TDP1: variants seen among roughly 807,000 people sequenced by gnomAD.
TDP1 encodes tyrosyl-DNA phosphodiesterase 1.
A neutral mutation model predicts 81.5 loss-of-function variants in TDP1; 64 were observed. The ratio of observed to expected loss-of-function variants is 0.79; its 90% confidence interval spans 0.64 to 0.97. The LOEUF (loss-of-function observed/expected upper bound fraction) is 0.97. TDP1 is among the 50% of genes least tolerant of loss of function. TDP1 has a pLI of 0.00. For synonymous variants in TDP1, 256 were observed against 264.3 expected (o/e 0.97, Z 0.30); for missense variants, 723 against 743.8 (o/e 0.97, Z 0.33).
At chr14:89,971,911 C>CT (rs34587290) in intron 6 of TDP1, among the ~76,000 whole-genome samples, 15 of 151,380 alleles carry the variant, frequency 9.9e-5, no homozygotes, top group South Asian at 6.3e-4. Flanking sequence ...AACTGTAGTT[C>CT]TTTTTTTTTC....
intron 15 of TDP1, among the ~76,000 whole-genome samples, chr14:90,032,545 C>T (rs33997711): frequency 1.3e-5 from 2 of 152,060 alleles, no homozygotes; most frequent in African/African-American, 2.4e-5. Context: ...ATAGAACCTC[C>T]ACTTCCACCC....
intron 16 of TDP1, among the ~76,000 whole-genome samples, chr14:90,041,658 C>T (rs2140357481): frequency 6.6e-6 from 1 of 152,324 alleles, no homozygotes; most frequent in African/African-American, 2.4e-5. Context: ...CCATGCCAGA[C>T]CCGCCAAGAA....
intron 5 of TDP1, 88 bp from the exon 6 acceptor site, chr14:89,971,087 C>T (rs1259332761): frequency 7.0e-6 from 8 of 1,149,682 alleles, no homozygotes; most frequent in East Asian, 4.9e-5. Context: ...CCACCTGCCT[C>T]GGCCTCCCAA....
At position 90,037,866 on chromosome 14, in the gene TDP1, CTT is replaced by C. The variant is rs1185527718; in HGVS notation, c.1753+4654_1753+4655del. On this transcript the variant is annotated intron_variant, in intron 16 of 16. Transcript: ENST00000335725. The stretch of plus-strand genomic sequence containing the variant: ...AAAGTTCATGCATTGAGTTATGTCT[CTT>C]TAGTCTCCATTAATTTGGAACAGTT... 2.0e-5 allele frequency among the ~76,000 whole-genome samples: 3 copies of C among 152,176 alleles called. No homozygotes were observed. The East Asian group carries it at 5.8e-4, about 29-fold the overall frequency.
Position 89,957,515 on chromosome 14 carries a change from G to A in TDP1, c.-8+715G>A, listed in dbSNP as rs565163291. 1.9e-4 allele frequency among the ~76,000 whole-genome samples: 29 copies of A among 152,314 alleles called. No homozygotes were observed. The South Asian group carries it at 5.6e-3, about 29-fold the overall frequency. ...ATGTTTGCCTATTACTGGCCACACA[G>A]GAACTCAATTGAGGAGCATGGCCTC... On this transcript the variant is annotated intron_variant, in intron 2 of 16. Coordinates refer to ENST00000335725, the MANE Select transcript of TDP1 (RefSeq NM_018319.4).
At chr14:89,991,602 T>C in intron 12 of TDP1, 2 of 985,188 alleles carry the variant, frequency 2.0e-6, no homozygotes, top group South Asian at 9.4e-5. Context: ...AGTATGTTTG[T>C]GTTACATGAG....
rs35972056 is a variant in TDP1, at chr14:89,989,116, G to A, written c.1317+26G>A. The A allele has an allele frequency of 0.077, 116,461 of 1,518,642 alleles. 9,695 individuals are homozygous for A. The highest frequency in any genetic ancestry group is 0.44 in the African/African-American group (31,867 of 73,120). The allele number at this position is 1,518,642 out of a possible 1,614,324, so 94.1% of individuals were successfully genotyped here. ...GTGAGTTCTCGTCCTCATTGAGGTAGTTTACTTTTATTCTCTACACAGGAG... is the reference window on the plus strand; with the variant it reads ...GTGAGTTCTCGTCCTCATTGAGGTAATTTACTTTTATTCTCTACACAGGAG... On this transcript the variant is annotated intron_variant, in intron 11 of 16. Coordinates refer to ENST00000335725, the MANE Select transcript of TDP1 (RefSeq NM_018319.4).
At chr14:90,020,584 C>CTCCCTCCCTCCT (rs1885940009) in intron 15 of TDP1, among the ~76,000 whole-genome samples, 1 of 10,284 alleles carries the variant, frequency 9.7e-5, no homozygotes, top group African/African-American at 5.3e-4. Context: ...CCTTCCTTCC[C>CTCCCTCCCTCCT]TCCCTCCCTC....
chr14:89,985,917 C>G (rs1257505953), intron 10 of TDP1, among the ~76,000 whole-genome samples: 1 of 152,194 alleles, frequency 6.6e-6, no homozygotes, highest in Non-Finnish European at 1.5e-5. Context: ...ATCCCAGCTA[C>G]TCGGGAGGCT....
chr14:90,018,006 A>G (rs1308335152), intron 14 of TDP1, among the ~76,000 whole-genome samples: 1 of 152,154 alleles, frequency 6.6e-6, no homozygotes, highest in African/African-American at 2.4e-5. Context: ...TAATCGCTTC[A>G]AGAGTTTTCC....
Position 89,973,256 on chromosome 14 carries a change from A to G in TDP1, c.756+1985A>G, listed in dbSNP as rs35067405. 2.4e-3 allele frequency among the ~76,000 whole-genome samples: 367 copies of G among 152,366 alleles called. 1 individual carries two copies. Among genetic ancestry groups the G allele is most frequent in the African/African-American group, 8.1e-3 (337 of 41,590 alleles). On this transcript the variant is annotated intron_variant, in intron 6 of 16. Coordinates refer to ENST00000335725, the MANE Select transcript of TDP1 (RefSeq NM_018319.4). ...ACATAAGAGGTTATACTGCAGTAGG[A>G]TAGCTCCCATCAAACCTTATAGTGG...
Position 89,998,410 on chromosome 14 carries a change from ATATATATATATATG to A in TDP1, c.1541+4931_1541+4944del, listed in dbSNP as rs1319469919. ...TATATATATATATATATATATATAT[ATATATATATATATG>A]TATGTATGTATGTATGTATATGTAT... is the stretch of plus-strand genomic sequence containing the variant. On this transcript the variant is annotated intron_variant, in intron 14 of 16. Transcript: ENST00000335725. Among the ~76,000 whole-genome samples, 52 of 105,834 alleles carry A rather than the reference ATATATATATATATG, an allele frequency of 4.9e-4. 2 individuals are homozygous for A. Among genetic ancestry groups the A allele is most frequent in the African/African-American group, 1.3e-3 (29 of 21,548 alleles). 69.4% of individuals were successfully genotyped at this position (105,834 alleles called of 152,430 possible).
At position 89,984,542 on chromosome 14, in the gene TDP1, G is replaced by A. The variant is rs34452707; in HGVS notation, c.911G>A (p.Arg304Gln). The A allele has an allele frequency of 1.2e-3, 1,919 of 1,614,010 alleles. 19 individuals carry two copies. In the African/African-American group the frequency reaches 0.022, roughly 19 times the overall value. The change falls in exon 9 of 17, where the codon CGA (arginine) becomes CAA (glutamine). Residue 304 changes from arginine to glutamine, a missense_variant. By Grantham distance (43) the Arg-to-Gln change is conservative. Coordinates refer to ENST00000335725, the MANE Select transcript of TDP1 (RefSeq NM_018319.4). ...QGIWLSPLYP[R>Q]IADGTHKSGE... ...ATATGGTTGAGCCCCTTATACCCAC[G>A]AATTGCTGATGGAACCCACAAATCT...
At chr14:89,985,586 A>G (rs541731184) in intron 10 of TDP1, among the ~76,000 whole-genome samples, 4 of 152,078 alleles carry the variant, frequency 2.6e-5, no homozygotes, top group African/African-American at 9.6e-5. Context: ...ACTGAGCTAT[A>G]ATATATTTTG....
At chr14:90,000,441 A>C (rs771761358) in intron 14 of TDP1, among the ~76,000 whole-genome samples, 2 of 152,076 alleles carry the variant, frequency 1.3e-5, no homozygotes, top group Admixed American at 1.3e-4. Context: ...CTGAAGTGCA[A>C]TGTCACGATC....
intron 2 of TDP1, among the ~76,000 whole-genome samples, chr14:89,959,743 A>T (rs1892109732): frequency 6.6e-6 from 1 of 152,170 alleles, no homozygotes; most frequent in South Asian, 2.1e-4. Flanking sequence ...TAGAAAATGG[A>T]GATAATGATA....
chr14:89,998,416 A>ATATGTATG (rs1555390622), intron 14 of TDP1, among the ~76,000 whole-genome samples: 1 of 85,788 alleles, frequency 1.2e-5, no homozygotes, highest in African/African-American at 6.0e-5. Flanking sequence ...ATATATATAT[A>ATATGTATG]TATATATGTA....
Position 90,043,863 on chromosome 14 carries a change from C to T in TDP1, c.*720C>T, listed in dbSNP as rs186072821. On this transcript the variant is annotated 3_prime_UTR_variant, in exon 17 of 17. Transcript: ENST00000335725. ...TCCACCCTCCATCCAGAAAGGCACCCTTCATTCCACCAGAACTTTACCCAG... is the reference window on the plus strand; with the variant it reads ...TCCACCCTCCATCCAGAAAGGCACCTTTCATTCCACCAGAACTTTACCCAG... 6.6e-6 allele frequency: 1 copy of T among 152,342 alleles called. No individual in the cohort carries two copies. Among genetic ancestry groups the T allele is most frequent in the African/African-American group, 2.4e-5 (1 of 41,440 alleles). 9.4% of individuals were successfully genotyped at this position (152,342 alleles called of 1,614,324 possible). A position where few individuals can be genotyped will look rare whatever the true frequency, so the allele number is the denominator to read the frequency against.
intron 14 of TDP1, among the ~76,000 whole-genome samples, chr14:89,999,662 T>G (rs1254248576): frequency 1.3e-5 from 2 of 152,232 alleles, no homozygotes; most frequent in African/African-American, 2.4e-5. Flanking sequence ...ATTTTGACTT[T>G]TAACATGATA....
Sources: allele counts gnomAD v4.1 joint callset (sites outside exome capture counted in the v4.1 genomes callset), GRCh38; gene constraint gnomAD v4.1.1; transcripts MANE v1.5; gene names NCBI Gene and HGNC (gene_info 2026-07-23, HGNC 2026-07-21).